Variants in VRTN observed in about 807,000 individuals in gnomAD.
VRTN encodes vertnin.
VRTN carries 5 observed loss-of-function variants against 18.2 expected under a neutral mutation model. The ratio of observed to expected loss-of-function variants is 0.27; its 90% CI spans 0.14 to 0.58. VRTN has a LOEUF of 0.58. VRTN is among the 20% of genes least tolerant of loss of function. The probability of loss-of-function intolerance (pLI) is 0.91; values close to 1 mark genes in which losing one functional copy is unlikely to be tolerated. For missense variants in VRTN, 741 were observed against 939.4 expected (o/e 0.79, Z 2.76); for synonymous variants, 381 against 393.7 (o/e 0.97, Z 0.38).
At chr14:74,343,565 T>A (rs1221374716), upstream of VRTN, among the ~76,000 whole-genome samples, 1 of 152,154 alleles carries the variant, frequency 6.6e-6, no homozygotes, top group African/African-American at 2.4e-5. Context: ...CATGGTTCAA[T>A]CAGCAAAAGA....
intron 1 of VRTN, among the ~76,000 whole-genome samples, chr14:74,323,809 G>T (rs1025257339): frequency 1.3e-4 from 19 of 152,000 alleles, no homozygotes; most frequent in African/African-American, 4.6e-4. Flanking sequence ...ATCTGGGAAG[G>T]GTTGCCAGAT....
intron 1 of VRTN, among the ~76,000 whole-genome samples, chr14:74,320,242 C>G (rs978964712): frequency 1.4e-5 from 2 of 146,870 alleles, no homozygotes; most frequent in African/African-American, 2.5e-5. Flanking sequence ...AGAGCAAGAT[C>G]CCATCCCTTT....
chr14:74,321,929 C>T (rs1052094562), intron 1 of VRTN, among the ~76,000 whole-genome samples: 2 of 152,190 alleles, frequency 1.3e-5, no homozygotes, highest in African/African-American at 2.4e-5. Flanking sequence ...CAACCTCCAC[C>T]TCCCGGGTTT....
chr14:74,321,802 C>G (rs2085457623), intron 1 of VRTN, among the ~76,000 whole-genome samples: 1 of 151,264 alleles, frequency 6.6e-6, no homozygotes, highest in Non-Finnish European at 1.5e-5. Flanking sequence ...CCGTGCCCAG[C>G]TTTTCATTTG....
chr14:74,306,043 A>ATTCT (rs1356830020), intron 1 of VRTN: 1 of 151,312 alleles, frequency 6.6e-6, no homozygotes, highest in African/African-American at 2.4e-5. Context: ...GGAGCAAAGA[A>ATTCT]GCCAGCTGAA....
rs138344566 is a variant in VRTN at position 74,358,855 on chromosome 14, G to A, written c.2072G>A (p.Arg691Gln). The change falls in exon 2 of 2, where the codon CGA (arginine) becomes CAA (glutamine). Residue 691 changes from arginine (R) to glutamine (Q), a missense_variant. Transcript: ENST00000256362. The surrounding 1 kb of genome is among the most constrained non-coding windows in gnomAD (Gnocchi z 5.4). ...TARSTYYMWK[R>Q]ALYDGLTLVD... Reference sequence around the variant, plus strand: ...CGCTCCACATACTACATGTGGAAGCGAGCCCTCTATGACGGCCTGACCCTG... The same window carrying A: ...CGCTCCACATACTACATGTGGAAGCAAGCCCTCTATGACGGCCTGACCCTG... 5 of 1,613,838 alleles carry A rather than the reference G, an allele frequency of 3.1e-6. No individual in the cohort carries two copies. The highest frequency in any genetic ancestry group is 2.7e-5 in the African/African-American group (2 of 74,948).
chr14:74,315,990 C>T (rs886757640), intron 1 of VRTN, among the ~76,000 whole-genome samples: 3 of 152,112 alleles, frequency 2.0e-5, no homozygotes, highest in African/African-American at 4.8e-5. Flanking sequence ...TTGCAAAGGG[C>T]GTAAACTCAG....
chr14:74,358,632 G>A lies in VRTN; in HGVS notation c.1849G>A (p.Gly617Ser), dbSNP rs1468928436. 1.2e-6 allele frequency: 2 copies of A among 1,607,498 alleles called. No individual in the cohort carries two copies. Among genetic ancestry groups the A allele is most frequent in the Middle Eastern group, 1.7e-4 (1 of 6,032 alleles). The change falls in exon 2 of 2, where the codon GGC (glycine) becomes AGC (serine). Residue 617 changes from glycine (G) to serine (S), a missense_variant. Physicochemically the swap from Gly to Ser is moderately conservative, Grantham distance 56. Transcript: ENST00000256362. The surrounding 1 kb of genome is among the most constrained non-coding windows in gnomAD (Gnocchi z 5.4). ...CCTGCAGGAGGGGGCCACAGCCCAG[G>A]GCCAGCCCCACAGTGGGCCCTTGCT... is the stretch of plus-strand genomic sequence containing the variant. ...GALQEGATAQ[G>S]QPHSGPLLSQ... is the part of the protein sequence containing the mutation.
At position 74,357,433 on chromosome 14, in the gene VRTN, C is replaced by G; in HGVS notation, c.650C>G (p.Thr217Arg). 6.2e-7 allele frequency: 1 copy of G among 1,612,460 alleles called. No individual in the cohort carries two copies. Among genetic ancestry groups the G allele is most frequent in the Non-Finnish European group, 8.5e-7 (1 of 1,180,036 alleles). ...CGCCGCTGCGACCACGTGCCCTCCACGCTGCACATCATGTGGGCTGGCCAG... is the reference window on the plus strand; with the variant it reads ...CGCCGCTGCGACCACGTGCCCTCCAGGCTGCACATCATGTGGGCTGGCCAG... Reference protein sequence around the residue: ...RPRRCDHVPSTLHIMWAGQPL... With the variant: ...RPRRCDHVPSRLHIMWAGQPL... Residue 217 changes from threonine to arginine, a missense_variant, in exon 2 of 2, where the codon ACG becomes AGG. Thr to Arg is a moderately conservative substitution (Grantham distance 71). Transcript: ENST00000256362. This position sits in a 1 kb window ranked among gnomAD's most constrained non-coding sequence, Gnocchi z 7.8.
chr14:74,348,979 C>T lies in VRTN; in HGVS notation c.-2+327C>T, dbSNP rs1001928122. 8.6e-5 allele frequency among the ~76,000 whole-genome samples: 13 copies of T among 151,142 alleles called. 2 individuals carry two copies. The Middle Eastern group carries it at 0.017, about 199-fold the overall frequency. ...GTTCCCCGGGCTTCTCAGGTTGGATCCCTCGTCCCTGGAGCCCCGGACCTG... is the reference window on the plus strand; with the variant it reads ...GTTCCCCGGGCTTCTCAGGTTGGATTCCTCGTCCCTGGAGCCCCGGACCTG... On this transcript the variant is annotated intron_variant, in intron 1 of 1. Transcript: ENST00000256362.
chr14:74,335,206 G>GGGA (rs2085555920), intron 1 of VRTN, among the ~76,000 whole-genome samples: 1 of 152,138 alleles, frequency 6.6e-6, no homozygotes, highest in Non-Finnish European at 1.5e-5. Context: ...ACTTGAACCT[G>GGGA]GGAGGCGGAG....
upstream of VRTN, among the ~76,000 whole-genome samples, chr14:74,346,138 TA>T (rs1035937568): frequency 2.3e-3 from 323 of 142,190 alleles, no homozygotes; most frequent in Middle Eastern, 7.4e-3. Flanking sequence ...CTGTTTCTAT[TA>T]AAAAAAAAAA....
rs552559883 is a variant in VRTN, at chr14:74,322,576, CT to C, written c.-163-15146del. ...TCAAGACTCCACTGAAGCATATCCC[CT>C]GAAATTTGCAACTGACTGCTCCCAC... is the stretch of plus-strand genomic sequence containing the variant. On this transcript the variant is annotated intron_variant, in intron 1 of 2. Coordinates refer to the VRTN transcript ENST00000557177. 4.6e-5 allele frequency among the ~76,000 whole-genome samples: 7 copies of C among 152,306 alleles called. No homozygotes were observed. In the East Asian group the frequency reaches 1.3e-3, roughly 29 times the overall value.
At chr14:74,350,128 CACCTGA>C (rs2085674508) in intron 1 of VRTN, among the ~76,000 whole-genome samples, 1 of 152,134 alleles carries the variant, frequency 6.6e-6, no homozygotes. Flanking sequence ...AAGACTGTTG[CACCTGA>C]ACCCCATCAT....
At position 74,357,065 on chromosome 14, in the gene VRTN, G is replaced by T. The variant is rs774911719; in HGVS notation, c.282G>T (p.Leu94=). The T allele has an allele frequency of 6.2e-7, 1 of 1,608,786 alleles. No individual in the cohort carries two copies. The highest frequency in any genetic ancestry group is 2.2e-5 in the East Asian group (1 of 44,826). ...SLLFEAASML[L]WGDAGLSLEL... is the part of the protein sequence containing the mutation. ...TGTTCGAGGCGGCCAGCATGCTGCT[G>T]TGGGGTGACGCAGGCCTCAGCCTGG... The change falls in exon 2 of 2, where the codon CTG becomes CTT. Residue 94 remains leucine (L), a synonymous_variant. Transcript: ENST00000256362. This position sits in a 1 kb window ranked among gnomAD's most constrained non-coding sequence, Gnocchi z 7.8.
Position 74,359,913 on chromosome 14 carries a change from G to C in VRTN, c.*1021G>C, listed in dbSNP as rs1316748538. On this transcript the variant is annotated 3_prime_UTR_variant, in exon 2 of 2. Transcript: ENST00000256362. ...GGAGCTGGAGGCCCATCTTCAGTGA[G>C]AGATCACAAAGCGGCCAGGCAGGTG... is the stretch of plus-strand genomic sequence containing the variant. The C allele has an allele frequency of 6.0e-6, 1 of 167,126 alleles. No individual in the cohort carries two copies. The highest frequency in any genetic ancestry group is 1.5e-5 in the Non-Finnish European group (1 of 68,156). The allele number at this position is 167,126 out of a possible 1,614,324, so 10.4% of individuals were successfully genotyped here. A position where few individuals can be genotyped will look rare whatever the true frequency, so the allele number is the denominator to read the frequency against.
At chr14:74,306,579 T>A (rs1407885908) in intron 1 of VRTN, 1 of 151,314 alleles carries the variant, frequency 6.6e-6, no homozygotes, top group Non-Finnish European at 1.5e-5. Context: ...TTGGTTTGTG[T>A]GTGTGTGTGT....
chr14:74,328,523 T>C (rs1470507164), intron 1 of VRTN, among the ~76,000 whole-genome samples: 1 of 152,206 alleles, frequency 6.6e-6, no homozygotes, highest in African/African-American at 2.4e-5. Context: ...ATACACACAT[T>C]TGTTTACTGC....
intron 2 of VRTN, among the ~76,000 whole-genome samples, chr14:74,342,779 T>C (rs2085615546): frequency 6.6e-6 from 1 of 152,098 alleles, no homozygotes; most frequent in African/African-American, 2.4e-5. Flanking sequence ...CACACAGGGC[T>C]AACTTTTTCT....
Sources: gnomAD v4.1 joint callset for allele counts (sites outside exome capture counted in the v4.1 genomes callset) on GRCh38, gnomAD v4.1.1 for gene constraint, Gnocchi (gnomAD v3.1) non-coding constraint, MANE v1.5 for transcripts, NCBI Gene and HGNC (gene_info 2026-07-23, HGNC 2026-07-21) for gene names.